The following DIPK2A variants were observed in gnomAD, a reference collection of about 807,000 sequenced individuals.
DIPK2A encodes Golgi Protein of 49 kDa.
DIPK2A carries 27 observed loss-of-function variants against 39.0 expected under a neutral mutation model. The observed-to-expected ratio is 0.69, with a 90% CI of 0.51 to 0.96. The LOEUF is 0.96. Among genes scored for constraint, DIPK2A ranks in the 40% least tolerant of loss-of-function variants. DIPK2A has a pLI of 0.00. For synonymous variants in DIPK2A, 298 were observed against 240.8 expected, an observed-to-expected ratio of 1.24 and a Z score of -2.20; for missense variants, 528 against 571.3, an observed-to-expected ratio of 0.92 and a Z score of 0.77.
At chr3:143,980,812 C>G in intron 1 of DIPK2A, among the ~76,000 whole-genome samples, 1 of 151,962 alleles carries the variant, frequency 6.6e-6, no homozygotes, top group East Asian at 1.9e-4. Flanking sequence ...TCTCTTAAGG[C>G]AAACTGCAAA....
chr3:143,985,086 CTGTT>C (rs1343168997), intron 1 of DIPK2A, among the ~76,000 whole-genome samples: 3 of 152,206 alleles, frequency 2.0e-5, no homozygotes, highest in African/African-American at 4.8e-5. Context: ...TAAATGGAGA[CTGTT>C]TGGTTCACCC....
chr3:143,979,472 G>C (rs2087797585), intron 1 of DIPK2A, among the ~76,000 whole-genome samples: 1 of 152,168 alleles, frequency 6.6e-6, no homozygotes, highest in Non-Finnish European at 1.5e-5. Context: ...TTTGTAATCT[G>C]AAGTAAGTAT....
In DIPK2A at chr3:143,989,515, C is replaced by A; in HGVS notation, c.967C>A (p.Pro323Thr). Residue 323 changes from proline (P) to threonine (T), a missense_variant, in exon 3 of 3, where the codon CCT (proline) becomes ACT (threonine). Coordinates refer to ENST00000315691, the MANE Select transcript of DIPK2A (RefSeq NM_173552.5). ...ADKRLIRQNKPENWDVWYESK... is the reference protein window; with the variant it reads ...ADKRLIRQNKTENWDVWYESK... ...TGCTTTTCCTCCTTTCACAGATAAACCTGAAAATTGGGATGTATGGTATGA... is the reference window on the plus strand; with the variant it reads ...TGCTTTTCCTCCTTTCACAGATAAAACTGAAAATTGGGATGTATGGTATGA... 7 of 1,597,816 alleles carry A rather than the reference C, an allele frequency of 4.4e-6. No individual in the cohort carries two copies. The highest frequency in any genetic ancestry group is 6.0e-6 in the Non-Finnish European group (7 of 1,168,840).
At chr3:143,976,829 A>G (rs1386899839) in intron 1 of DIPK2A, among the ~76,000 whole-genome samples, 1 of 152,032 alleles carries the variant, frequency 6.6e-6, no homozygotes, top group Admixed American at 6.6e-5. Flanking sequence ...TTGCTTTTCT[A>G]TTCTTATAAA....
rs1320421954 is a variant in DIPK2A at position 143,972,670 on chromosome 3, G to T, written c.338G>T (p.Gly113Val). The T allele has an allele frequency of 6.2e-7, 1 of 1,609,012 alleles. No homozygotes were observed. Residue 113 changes from glycine to valine, a missense_variant, in exon 1 of 3, where the codon GGC becomes GTC. Around this residue, in one of 2 missense-constraint regions of DIPK2A, gnomAD observed 309 missense variants for 289.8 expected, o/e 1.07. Coordinates refer to ENST00000315691, the MANE Select transcript of DIPK2A (RefSeq NM_173552.5). ...GRRRVVLKRL[G>V]SQRELAQLDQ... ...CGCCGAGTGGTGCTCAAGCGCCTCG[G>T]CTCGCAGCGCGAGCTGGCGCAGCTC...
At chr3:143,987,575 T>C (rs571059846) in intron 2 of DIPK2A, among the ~76,000 whole-genome samples, 1 of 152,352 alleles carries the variant, frequency 6.6e-6, no homozygotes, top group East Asian at 1.9e-4. Flanking sequence ...GAGATTTTGC[T>C]GTGGCAACTC....
chr3:143,974,471 A>G (rs1260543609), intron 1 of DIPK2A, among the ~76,000 whole-genome samples: 2 of 152,334 alleles, frequency 1.3e-5, no homozygotes, highest in East Asian at 3.9e-4. Flanking sequence ...TCAGTCTCTA[A>G]AGGTTTAGCC....
chr3:143,985,321 C>G (rs1274535252), intron 1 of DIPK2A, among the ~76,000 whole-genome samples: 4 of 152,136 alleles, frequency 2.6e-5, no homozygotes, highest in Non-Finnish European at 5.9e-5. Flanking sequence ...ACTTGTCATC[C>G]TATTTTAGCT....
rs1020683897 is a variant in DIPK2A, at chr3:143,972,813, G to T, written c.481G>T (p.Val161Leu). The change falls in exon 1 of 3, where the codon GTG (valine) becomes TTG (leucine). Residue 161 changes from valine (V) to leucine (L), a missense_variant. Val to Leu is a conservative substitution (Grantham distance 32). Around this residue, in one of 2 missense-constraint regions of DIPK2A, gnomAD observed 309 missense variants for 289.8 expected, o/e 1.07. Transcript: ENST00000315691. ...CGTGCGTCTGCTCACGCCCGAGGCG[G>T]TGGAGGGCTGGTCGGACCTGGTGCA... ...GDVRLLTPEA[V>L]EGWSDLVHCP... 2.6e-6 allele frequency: 4 copies of T among 1,564,468 alleles called. No individual in the cohort carries two copies. The African/African-American group carries it at 4.0e-5, about 16-fold the overall frequency.
At chr3:143,987,914 C>T (rs112303814) in intron 2 of DIPK2A, among the ~76,000 whole-genome samples, 36 of 152,122 alleles carry the variant, frequency 2.4e-4, no homozygotes, top group African/African-American at 8.0e-4. Flanking sequence ...ATCAACTTCT[C>T]GAAGTTGTTT....
In DIPK2A at chr3:143,990,032, A is replaced by AAT; in HGVS notation, c.*193_*194dup. ...TCAAAAATCACATGATGCTTCTGCAAATAAGTATGTTCTTATACTTTGGAG... is the reference window on the plus strand; with the variant it reads ...TCAAAAATCACATGATGCTTCTGCAAATATAAGTATGTTCTTATACTTTGGAG... On this transcript the variant is annotated 3_prime_UTR_variant, in exon 3 of 3. Coordinates refer to ENST00000315691, the MANE Select transcript of DIPK2A (RefSeq NM_173552.5). 1 of 586,758 alleles carries AAT rather than the reference A, an allele frequency of 1.7e-6. No homozygotes were observed. The highest frequency in any genetic ancestry group is 3.0e-6 in the Non-Finnish European group (1 of 332,100). The allele number at this position is 586,758 out of a possible 1,614,324, so 36.3% of individuals were successfully genotyped here. A position where few individuals can be genotyped will look rare whatever the true frequency, so the allele number is the denominator to read the frequency against.
At chr3:143,985,879 A>G (rs2087892370) in intron 2 of DIPK2A, 33 bp downstream of exon 2, 3 of 1,507,076 alleles carry the variant, frequency 2.0e-6, no homozygotes, top group Admixed American at 2.0e-5. Flanking sequence ...TTTTCTACTC[A>G]TTTTTTCCTA....
chr3:143,986,797 T>A (rs1358630100), intron 2 of DIPK2A, among the ~76,000 whole-genome samples: 3 of 151,546 alleles, frequency 2.0e-5, no homozygotes, highest in Non-Finnish European at 4.4e-5. Flanking sequence ...GAACAAAGCC[T>A]GTAGGTCTAG....
At chr3:143,978,483 A>G (rs2087761750) in intron 1 of DIPK2A, 1 of 152,232 alleles carries the variant, frequency 6.6e-6, no homozygotes, top group Admixed American at 6.6e-5. Context: ...GAAAGGATGG[A>G]AAGATGGCCG....
At chr3:143,982,266 G>T (rs994906341) in intron 1 of DIPK2A, among the ~76,000 whole-genome samples, 2 of 152,064 alleles carry the variant, frequency 1.3e-5, no homozygotes, top group African/African-American at 2.4e-5. Flanking sequence ...TTGGAAGGGG[G>T]TTCATTATTT....
chr3:143,987,188 C>G (rs564265447), intron 2 of DIPK2A, among the ~76,000 whole-genome samples: 1 of 152,232 alleles, frequency 6.6e-6, no homozygotes, highest in East Asian at 1.9e-4. Flanking sequence ...GCAGCGTATA[C>G]TATTCTTTCT....
intron 1 of DIPK2A, among the ~76,000 whole-genome samples, chr3:143,978,689 T>TAGATATATATATATCTATATATAG (rs1426761492): frequency 2.2e-5 from 3 of 134,720 alleles, no homozygotes; most frequent in Admixed American, 7.7e-5. Flanking sequence ...TATCTATATA[T>TAGATATATATATATCTATATATAG]ATATATATAT....
intron 1 of DIPK2A, among the ~76,000 whole-genome samples, chr3:143,974,331 A>G (rs2087700875): frequency 6.6e-6 from 1 of 152,218 alleles, no homozygotes; most frequent in African/African-American, 2.4e-5. Context: ...ATCAGAGGCT[A>G]TGTGTATTGG....
At position 143,972,475 on chromosome 3, in the gene DIPK2A, G is replaced by C; in HGVS notation, c.143G>C (p.Arg48Pro). 1 of 1,605,776 alleles carries C rather than the reference G, an allele frequency of 6.2e-7. No homozygotes were observed. Among genetic ancestry groups the C allele is most frequent in the Non-Finnish European group, 8.5e-7 (1 of 1,175,406 alleles). ...CAGCGCAACGAACTGACCGACCGGC[G>C]CTTCCTGCAGCTCAATAAGTGCCCG... ...SWQRNELTDR[R>P]FLQLNKCPAC... The change falls in exon 1 of 3, where the codon CGC (arginine) becomes CCC (proline). Residue 48 changes from arginine (R) to proline (P), a missense_variant. Arg to Pro is a moderately radical substitution (Grantham distance 103). Coordinates refer to ENST00000315691, the MANE Select transcript of DIPK2A (RefSeq NM_173552.5).
Sources: gnomAD v4.1 joint callset for allele counts (sites outside exome capture counted in the v4.1 genomes callset) on GRCh38, gnomAD v4.1.1 for gene constraint, gnomAD v4.1.1 regional missense constraint, MANE v1.5 for transcripts, NCBI Gene and HGNC (gene_info 2026-07-23, HGNC 2026-07-21) for gene names.